The following MRAP2 variants were observed in gnomAD, a reference collection of about 807,000 sequenced individuals.
The protein encoded by MRAP2 is melanocortin-2 receptor accessory protein 2.
MRAP2 carries 20 observed loss-of-function variants against 17.4 expected under a neutral mutation model. The observed-to-expected ratio is 1.15, with a 90% CI of 0.81 to 1.67. The LOEUF is 1.67. Among genes scored for constraint, MRAP2 ranks in the 40% most tolerant of loss-of-function variants. MRAP2 has a pLI of 0.00. For synonymous variants in MRAP2, 96 were observed against 88.4 expected (o/e 1.09, Z -0.48); for missense variants, 238 against 240.0 (o/e 0.99, Z 0.05).
At chr6:84,136,521 G>A in the MRAP2 span, among the ~76,000 whole-genome samples, 1 of 152,144 alleles carries the variant, frequency 6.6e-6, no homozygotes, top group Non-Finnish European at 1.5e-5. Flanking sequence ...TATTCAAACC[G>A]CAGCAGCATG....
chr6:84,124,249 A>G, the MRAP2 span: 3 of 152,176 alleles, frequency 2.0e-5, no homozygotes, highest in African/African-American at 7.2e-5. Flanking sequence ...TATAAAAAAG[A>G]TATCTGTACA....
chr6:84,066,367 A>G (rs2099494682), intron 3 of MRAP2, among the ~76,000 whole-genome samples: 1 of 152,224 alleles, frequency 6.6e-6, no homozygotes, highest in African/African-American at 2.4e-5. Flanking sequence ...TGGTTGCAGT[A>G]TATCATAATA....
At chr6:84,138,698 C>G in the MRAP2 span, among the ~76,000 whole-genome samples, 1 of 152,086 alleles carries the variant, frequency 6.6e-6, no homozygotes, top group Non-Finnish European at 1.5e-5. Context: ...ACTGTCTTAC[C>G]ATTGTATTGC....
chr6:84,099,313 T>C, the MRAP2 span, among the ~76,000 whole-genome samples: 1 of 139,552 alleles, frequency 7.2e-6, no homozygotes, highest in Non-Finnish European at 1.6e-5. Flanking sequence ...GCTTTATTTA[T>C]TTTTTATTTT....
chr6:84,089,071 T>C lies in MRAP2; in HGVS notation c.228-20T>C, dbSNP rs1161316725. On this transcript the variant is annotated intron_variant, in intron 3 of 3. Transcript: ENST00000257776. ...ATGGGCTGGAGTGTAAGCAGTCTTT[T>C]ATTTTCTTTTTTTAAATAGCAATGC... is the stretch of plus-strand genomic sequence containing the variant. The C allele has an allele frequency of 1.3e-6, 2 of 1,587,800 alleles. No individual in the cohort carries two copies. Among genetic ancestry groups the C allele is most frequent in the Non-Finnish European group, 1.7e-6 (2 of 1,169,350 alleles).
chr6:84,089,103 C>G lies in MRAP2; in HGVS notation c.240C>G (p.Ser80=). 6.2e-7 allele frequency: 1 copy of G among 1,612,206 alleles called. No homozygotes were observed. Among genetic ancestry groups the G allele is most frequent in the African/African-American group, 1.3e-5 (1 of 74,786 alleles). The stretch of plus-strand genomic sequence containing the variant: ...TTTTTTTAAATAGCAATGCAGAGTC[C>G]TCAGAGAAGAGATTCAGAATGAACA... ...TGAPHQDNAE[S]SEKRFRMNSF... The change falls in exon 4 of 4, where the codon TCC becomes TCG. Residue 80 remains serine (S), a synonymous_variant. Coordinates refer to ENST00000257776, the MANE Select transcript of MRAP2 (RefSeq NM_138409.4).
chr6:84,123,411 G>C, the MRAP2 span, among the ~76,000 whole-genome samples: 1 of 152,030 alleles, frequency 6.6e-6, no homozygotes, highest in Non-Finnish European at 1.5e-5. Flanking sequence ...AGAGAACTGA[G>C]AAATAAAGCC....
chr6:84,112,462 T>C, the MRAP2 span, among the ~76,000 whole-genome samples: 2 of 152,196 alleles, frequency 1.3e-5, no homozygotes. Context: ...CCCTTTATCA[T>C]TTTTTATTGC....
the MRAP2 span, among the ~76,000 whole-genome samples, chr6:84,102,070 G>A: frequency 6.6e-6 from 1 of 152,244 alleles, no homozygotes; most frequent in South Asian, 2.1e-4. Context: ...ATGTGATCAG[G>A]AAAACTTGGT....
chr6:84,089,466 C>G lies in MRAP2; in HGVS notation c.603C>G (p.His201Gln), dbSNP rs2875382. 1 of 1,612,082 alleles carries G rather than the reference C, an allele frequency of 6.2e-7. No homozygotes were observed. Among genetic ancestry groups the G allele is most frequent in the African/African-American group, 1.3e-5 (1 of 74,758 alleles). Residue 201 changes from histidine to glutamine, a missense_variant, in exon 4 of 4, where the codon CAC becomes CAG. Physicochemically the swap from His to Gln is conservative, Grantham distance 24. Transcript: ENST00000257776. ...CTAAGCCACTTTCCCAGACCTCACA[C>G]AAAGACCTGGATTGAGAAACATGCT... ...LETKPLSQTS[H>Q]KDLD
intron 3 of MRAP2, among the ~76,000 whole-genome samples, chr6:84,068,888 C>T (rs962796731): frequency 6.9e-6 from 1 of 145,774 alleles, no homozygotes; most frequent in African/African-American, 2.6e-5. Flanking sequence ...AGGCTGGTCT[C>T]GAACTCCTGA....
chr6:84,062,792 C>T (rs1203280617), intron 2 of MRAP2, 101 bp from the exon 3 acceptor site: 1 of 1,554,250 alleles, frequency 6.4e-7, no homozygotes. Flanking sequence ...GACTTCCTTT[C>T]ATGTTTCATG....
chr6:84,036,293 A>C (rs1163397855), intron 1 of MRAP2, among the ~76,000 whole-genome samples: 1 of 152,228 alleles, frequency 6.6e-6, no homozygotes, highest in Non-Finnish European at 1.5e-5. Flanking sequence ...AACAAAATGA[A>C]AAATAATATG....
At chr6:84,046,596 A>G (rs1174060504) in intron 1 of MRAP2, among the ~76,000 whole-genome samples, 1 of 151,968 alleles carries the variant, frequency 6.6e-6, no homozygotes, top group African/African-American at 2.4e-5. Context: ...CCTGGCTAAC[A>G]TGGTGAAACC....
intron 1 of MRAP2, among the ~76,000 whole-genome samples, chr6:84,052,363 G>A (rs535184756): frequency 2.0e-5 from 3 of 152,252 alleles, no homozygotes; most frequent in South Asian, 2.1e-4. Context: ...ACACTGTGGC[G>A]GGAATAGCAG....
intron 3 of MRAP2, among the ~76,000 whole-genome samples, chr6:84,086,731 G>T (rs1005215341): frequency 2.0e-5 from 3 of 152,170 alleles, no homozygotes; most frequent in Non-Finnish European, 4.4e-5. Flanking sequence ...GTAGCCTCAG[G>T]GGGCAGGAAA....
the MRAP2 span, among the ~76,000 whole-genome samples, chr6:84,114,421 G>A: frequency 2.6e-5 from 4 of 151,920 alleles, no homozygotes; most frequent in Non-Finnish European, 5.9e-5. Flanking sequence ...GTGTTTTTCA[G>A]CTCCATCAGG....
Position 84,089,807 on chromosome 6 carries a change from G to GT in MRAP2, c.*330dup. 4 of 210,654 alleles carry GT rather than the reference G, an allele frequency of 1.9e-5. No individual in the cohort carries two copies. Among genetic ancestry groups the GT allele is most frequent in the Non-Finnish European group, 3.5e-5 (4 of 115,144 alleles). The allele number at this position is 210,654 out of a possible 1,614,324, so 13.0% of individuals were successfully genotyped here. A position where few individuals can be genotyped will look rare whatever the true frequency, so the allele number is the denominator to read the frequency against. ...AATTTTAAACTTTATTAAAACATGA[G>GT]TTTTGTTTTTTTTTTTGCTATTTTT... On this transcript the variant is annotated 3_prime_UTR_variant, in exon 4 of 4. Transcript: ENST00000257776.
intron 1 of MRAP2, among the ~76,000 whole-genome samples, chr6:84,038,182 G>T (rs1404892435): frequency 1.3e-5 from 2 of 152,258 alleles, no homozygotes; most frequent in African/African-American, 4.8e-5. Flanking sequence ...GCCCCTGGCA[G>T]CAGAAGTAGG....
Sources: allele counts gnomAD v4.1 joint callset (sites outside exome capture counted in the v4.1 genomes callset), GRCh38; gene constraint gnomAD v4.1.1; transcripts MANE v1.5; gene names NCBI Gene and HGNC (gene_info 2026-07-23, HGNC 2026-07-21).